MCTP1: variants seen among roughly 807,000 people sequenced by gnomAD.
The protein encoded by MCTP1 is multiple C2 and transmembrane domain containing 1.
A neutral mutation model predicts 120.6 loss-of-function variants in MCTP1; 69 were observed. The ratio of observed to expected loss-of-function variants is 0.57; its 90% CI spans 0.47 to 0.70. The LOEUF (loss-of-function observed/expected upper bound fraction) is 0.70, where lower values mean the gene tolerates loss of function less well. MCTP1 is among the 30% of genes least tolerant of loss of function. The pLI is 0.00. For missense variants in MCTP1, 1,203 were observed against 1,248.8 expected (o/e 0.96, Z 0.55); for synonymous variants, 529 against 493.1 (o/e 1.07, Z -0.96).
intron 1 of MCTP1, among the ~76,000 whole-genome samples, chr5:95,187,246 T>C (rs1235527270): frequency 2.0e-5 from 3 of 152,184 alleles, no homozygotes; most frequent in Non-Finnish European, 4.4e-5. Context: ...GTGGTACATA[T>C]ACAAAATGGA....
intron 1 of MCTP1, among the ~76,000 whole-genome samples, chr5:95,252,863 G>A (rs985405963): frequency 6.6e-6 from 1 of 152,010 alleles, no homozygotes; most frequent in Non-Finnish European, 1.5e-5. Flanking sequence ...ATATATATTT[G>A]GCCCCATACT....
chr5:95,087,539 G>A (rs919060), intron 1 of MCTP1, among the ~76,000 whole-genome samples: 124,953 of 152,118 alleles, frequency 0.82, 53,757 homozygotes, highest in Non-Finnish European at 0.96. Flanking sequence ...TTCAAGAAAG[G>A]CTACAGCTCT....
chr5:94,950,616 C>A (rs1377969891), intron 3 of MCTP1, among the ~76,000 whole-genome samples: 1 of 151,920 alleles, frequency 6.6e-6, no homozygotes, highest in Non-Finnish European at 1.5e-5. Flanking sequence ...TACATACATA[C>A]ATGTATATTC....
At position 94,777,403 on chromosome 5, in the gene MCTP1, T is replaced by C. The variant is rs573368268; in HGVS notation, c.2610+1707A>G. On this transcript the variant is annotated intron_variant, in intron 19 of 22. Transcript: ENST00000515393. ...TTTCTCATATCTAACATCCTCTCCATTAAAAATGGCCATAAAACGGGGAGA... is the reference window on the plus strand; with the variant it reads ...TTTCTCATATCTAACATCCTCTCCACTAAAAATGGCCATAAAACGGGGAGA... Among the ~76,000 whole-genome samples, 11 of 152,254 alleles carry C rather than the reference T, an allele frequency of 7.2e-5. No individual in the cohort carries two copies. In the South Asian group the frequency reaches 2.3e-3, roughly 32 times the overall value.
intron 1 of MCTP1, among the ~76,000 whole-genome samples, chr5:95,077,210 G>T (rs1753789954): frequency 6.6e-6 from 1 of 152,106 alleles, no homozygotes. Flanking sequence ...ATGATCTTAA[G>T]AGTACCTTTC....
intron 1 of MCTP1, among the ~76,000 whole-genome samples, chr5:95,261,251 T>C (rs1758444016): frequency 6.6e-6 from 1 of 152,198 alleles, no homozygotes; most frequent in Non-Finnish European, 1.5e-5. Flanking sequence ...AAACACCAAA[T>C]GGTCTTCACA....
intron 19 of MCTP1, among the ~76,000 whole-genome samples, chr5:94,725,115 G>T (rs1384703958): frequency 6.6e-6 from 1 of 152,152 alleles, no homozygotes; most frequent in Non-Finnish European, 1.5e-5. Flanking sequence ...TGTGAATTAG[G>T]TTGAAAATAA....
Position 94,765,136 on chromosome 5 carries a change from G to A in MCTP1, c.2610+13974C>T, listed in dbSNP as rs140303853. Among the ~76,000 whole-genome samples the A allele has an allele frequency of 1.4e-4, 22 of 152,032 alleles. 1 individual carries two copies. Among genetic ancestry groups the A allele is most frequent in the African/African-American group, 4.1e-4 (17 of 41,496 alleles). On this transcript the variant is annotated intron_variant, in intron 19 of 22. Transcript: ENST00000515393. ...ATATATGGAAAGGAAACAACATGCCGCTAAACAACAATTGGGTCAATGAAG... is the reference window on the plus strand; with the variant it reads ...ATATATGGAAAGGAAACAACATGCCACTAAACAACAATTGGGTCAATGAAG...
At chr5:95,210,221 G>A (rs1322786921) in intron 1 of MCTP1, among the ~76,000 whole-genome samples, 1 of 152,110 alleles carries the variant, frequency 6.6e-6, no homozygotes, top group Non-Finnish European at 1.5e-5. Context: ...TAAAATTCCT[G>A]GGTATCCTTT....
intron 1 of MCTP1, among the ~76,000 whole-genome samples, chr5:95,234,022 A>C (rs1009700701): frequency 6.6e-6 from 1 of 152,112 alleles, no homozygotes; most frequent in Non-Finnish European, 1.5e-5. Context: ...GAGAAGAAAA[A>C]AAAAAAAAGA....
chr5:94,947,396 G>A (rs572368028), intron 3 of MCTP1, among the ~76,000 whole-genome samples: 6 of 151,134 alleles, frequency 4.0e-5, no homozygotes, highest in Non-Finnish European at 7.4e-5. Flanking sequence ...ATATGACATC[G>A]CTCCTTAGAA....
intron 2 of MCTP1, among the ~76,000 whole-genome samples, chr5:94,980,232 C>A (rs1328272313): frequency 6.6e-6 from 1 of 152,064 alleles, no homozygotes; most frequent in African/African-American, 2.4e-5. Flanking sequence ...AGCAGCAAAG[C>A]AAAACAAAGT....
chr5:94,886,950 T>G (rs1801488261), intron 12 of MCTP1, among the ~76,000 whole-genome samples: 1 of 152,168 alleles, frequency 6.6e-6, no homozygotes, highest in African/African-American at 2.4e-5. Context: ...ATTCAGACAT[T>G]TCTGACTCAA....
At chr5:94,882,471 C>A (rs890606937) in intron 12 of MCTP1, among the ~76,000 whole-genome samples, 1 of 151,914 alleles carries the variant, frequency 6.6e-6, no homozygotes, top group South Asian at 2.1e-4. Flanking sequence ...CTATTTGTAG[C>A]ATTTCCTTGA....
rs150387916 is a variant in MCTP1, at chr5:95,229,465, T to C, written c.720+54391A>G. 7.3e-3 allele frequency among the ~76,000 whole-genome samples: 1,115 copies of C among 152,234 alleles called. 12 individuals are homozygous for C. Among genetic ancestry groups the C allele is most frequent in the South Asian group, 0.03 (147 of 4,830 alleles). Reference sequence around the variant, plus strand: ...TTTCCTTGGGTCTTATTCTGCCTTATTGATGAGAGAAAAGTTTGGTTACTC... The same window carrying C: ...TTTCCTTGGGTCTTATTCTGCCTTACTGATGAGAGAAAAGTTTGGTTACTC... On this transcript the variant is annotated intron_variant, in intron 1 of 22. Coordinates refer to ENST00000515393, the MANE Select transcript of MCTP1 (RefSeq NM_024717.7).
intron 1 of MCTP1, among the ~76,000 whole-genome samples, chr5:95,262,419 A>T (rs1436214202): frequency 6.6e-6 from 1 of 152,186 alleles, no homozygotes; most frequent in Non-Finnish European, 1.5e-5. Flanking sequence ...CAAAAGCATC[A>T]TTATTCTTAA....
intron 11 of MCTP1, among the ~76,000 whole-genome samples, chr5:94,890,506 A>G (rs1232238003): frequency 1.3e-5 from 2 of 152,244 alleles, no homozygotes; most frequent in African/African-American, 4.8e-5. Flanking sequence ...GTAGTTCTAC[A>G]TAAGTAAAAG....
intron 6 of MCTP1, among the ~76,000 whole-genome samples, chr5:94,925,926 C>A (rs1053108166): frequency 6.6e-6 from 1 of 151,978 alleles, no homozygotes; most frequent in African/African-American, 2.4e-5. Flanking sequence ...CTAATACACA[C>A]TAAGAAAATT....
chr5:95,151,121 C>T (rs900796113), intron 1 of MCTP1, among the ~76,000 whole-genome samples: 10 of 107,222 alleles, frequency 9.3e-5, no homozygotes, highest in South Asian at 3.7e-4. Flanking sequence ...TGCACCACCA[C>T]GCCTGGCTCA....
Sources: gnomAD v4.1 joint callset for allele counts (sites outside exome capture counted in the v4.1 genomes callset) on GRCh38, gnomAD v4.1.1 for gene constraint, MANE v1.5 for transcripts, NCBI Gene and HGNC (gene_info 2026-07-23, HGNC 2026-07-21) for gene names.